P2RX5: variants seen among roughly 807,000 people sequenced by gnomAD.
The protein encoded by P2RX5 is purinergic receptor P2X 5.
P2RX5 carries 46 observed loss-of-function variants against 54.1 expected under a neutral mutation model. The ratio of observed to expected loss-of-function variants is 0.85; its 90% CI spans 0.67 to 1.09. The LOEUF (loss-of-function observed/expected upper bound fraction) is 1.09. Ranked by LOEUF, P2RX5 falls within the 50% of genes least tolerant of loss-of-function variation. The pLI, the probability that P2RX5 is intolerant of heterozygous loss-of-function variation, is 0.00. For missense variants in P2RX5, 566 were observed against 549.8 expected (o/e 1.03, Z -0.29); for synonymous variants, 226 against 226.4 (o/e 1.00, Z 0.02).
At chr17:3,723,433 T>A in the P2RX5 span, 2 of 1,367,860 alleles carry the variant, frequency 1.5e-6, no homozygotes, top group Non-Finnish European at 2.1e-6. Context: ...GCGGAAAGTC[T>A]GAAATCTTTT....
chr17:3,691,669 A>T lies in P2RX5; in HGVS notation c.263T>A (p.Val88Asp), dbSNP rs1232169991. 1 of 1,614,206 alleles carries T rather than the reference A, an allele frequency of 6.2e-7. No individual in the cohort carries two copies. The highest frequency in any genetic ancestry group is 2.2e-5 in the East Asian group (1 of 44,888). Residue 88 changes from valine to aspartate, a missense_variant, in exon 2 of 12, where the codon GTC becomes GAC. Physicochemically the swap from Val to Asp is radical, Grantham distance 152. Transcript: ENST00000225328. ...TSDLGQRIWD[V>D]ADYVIPAQGE... is the part of the protein sequence containing the mutation. The stretch of plus-strand genomic sequence containing the variant: ...CTGGGCTGGAATGACGTAGTCGGCG[A>T]CATCCCAGATCCGCTGCCCAAGATC...
At chr17:3,720,412 G>A in the P2RX5 span, 2 of 1,272,796 alleles carry the variant, frequency 1.6e-6, no homozygotes, top group African/African-American at 1.5e-5. Context: ...ACTAGAAGAT[G>A]GGGAAAGGAA....
intron 10 of P2RX5, among the ~76,000 whole-genome samples, chr17:3,680,587 T>C (rs79774002): frequency 1.7e-5 from 1 of 58,516 alleles, no homozygotes; most frequent in Non-Finnish European, 3.3e-5. Context: ...CGGCTTCCTC[T>C]ACCCTGCTTC....
intron 11 of P2RX5, chr17:3,676,062 G>T: frequency 1.0e-6 from 1 of 985,466 alleles, no homozygotes; most frequent in Non-Finnish European, 1.2e-6. Flanking sequence ...CTCCAAAGAG[G>T]ATGCTTCCAG....
chr17:3,715,900 T>C, the P2RX5 span, among the ~76,000 whole-genome samples: 1 of 152,054 alleles, frequency 6.6e-6, no homozygotes, highest in African/African-American at 2.4e-5. Context: ...TTCATGACTG[T>C]AATCCCAGAA....
chr17:3,713,987 G>A, the P2RX5 span, among the ~76,000 whole-genome samples: 1 of 151,928 alleles, frequency 6.6e-6, no homozygotes, highest in Admixed American at 6.6e-5. Context: ...GAGTGCAATG[G>A]CGTGATCTTG....
At chr17:3,710,474 A>T in the P2RX5 span, among the ~76,000 whole-genome samples, 8 of 151,952 alleles carry the variant, frequency 5.3e-5, no homozygotes, top group East Asian at 9.7e-4. Context: ...GTTTCCCTTG[A>T]TTCCATATAC....
At chr17:3,677,509 C>A (rs1049097974) in intron 11 of P2RX5, 13 of 985,338 alleles carry the variant, frequency 1.3e-5, no homozygotes, top group Non-Finnish European at 1.6e-5. Flanking sequence ...ATCCTTGGGG[C>A]AAGCCCAAAT....
chr17:3,675,613 A>G (rs2050085592), intron 11 of P2RX5: 5 of 940,622 alleles, frequency 5.3e-6, no homozygotes, highest in African/African-American at 3.6e-5. Context: ...GTGCAGTGGT[A>G]TGATCTCAGC....
intron 11 of P2RX5, chr17:3,678,044 T>TCAGCGACACTGCTGGTAGC (rs2050144424): frequency 1.0e-6 from 1 of 985,346 alleles, no homozygotes; most frequent in Non-Finnish European, 1.2e-6. Flanking sequence ...CCCAAAGTTT[T>TCAGCGACACTGCTGGTAGC]CAGCGACACT....
the P2RX5 span, among the ~76,000 whole-genome samples, chr17:3,715,980 C>A: frequency 6.6e-6 from 1 of 152,048 alleles, no homozygotes; most frequent in Non-Finnish European, 1.5e-5. Flanking sequence ...TATGGTGAAA[C>A]CCCGTCTCTA....
chr17:3,700,787 G>A (rs574956385), upstream of P2RX5, among the ~76,000 whole-genome samples: 18 of 152,082 alleles, frequency 1.2e-4, no homozygotes, highest in Non-Finnish European at 2.5e-4. Flanking sequence ...TAGTTCACGC[G>A]AGAGCTAGTT....
At chr17:3,685,207 G>T (rs916949877) in intron 9 of P2RX5, among the ~76,000 whole-genome samples, 62 of 152,188 alleles carry the variant, frequency 4.1e-4, no homozygotes, top group Non-Finnish European at 6.3e-4. Context: ...GACTCACCTG[G>T]GATCCCAGGG....
chr17:3,699,095 C>CACACACACATATA (rs60173844), upstream of P2RX5, among the ~76,000 whole-genome samples: 253 of 100,246 alleles, frequency 2.5e-3, no homozygotes, highest in African/African-American at 9.8e-3. Flanking sequence ...ACACACACAC[C>CACACACACATATA]TATATATATA....
chr17:3,683,487 C>G (rs1358134996), intron 9 of P2RX5, among the ~76,000 whole-genome samples: 2 of 152,162 alleles, frequency 1.3e-5, no homozygotes, highest in Non-Finnish European at 1.5e-5. Flanking sequence ...GATCCCAGCA[C>G]TGGGAGGCCG....
At chr17:3,675,750 G>C in intron 11 of P2RX5, 5 of 679,126 alleles carry the variant, frequency 7.4e-6, no homozygotes, top group Non-Finnish European at 9.1e-6. Flanking sequence ...ATGGGGTTTT[G>C]CCATATTGGC....
chr17:3,699,076 CACACACACACACACACACCT>C (rs2050798316), upstream of P2RX5, among the ~76,000 whole-genome samples: 1 of 108,926 alleles, frequency 9.2e-6, no homozygotes, highest in Non-Finnish European at 2.1e-5. Flanking sequence ...CACACACACA[CACACACACACACACACACCT>C]ATATATATAA....
At chr17:3,718,070 A>G in the P2RX5 span, 2 of 152,234 alleles carry the variant, frequency 1.3e-5, no homozygotes, top group African/African-American at 2.4e-5. Flanking sequence ...GGGAGAAGCA[A>G]GGCACCGGGT....
At chr17:3,714,710 ATG>A in the P2RX5 span, 1 of 562,222 alleles carries the variant, frequency 1.8e-6, no homozygotes, top group African/African-American at 1.9e-5. Flanking sequence ...TTTTGGGACA[ATG>A]TATGGTTAAA....
Sources: allele counts gnomAD v4.1 joint callset (sites outside exome capture counted in the v4.1 genomes callset), GRCh38; gene constraint gnomAD v4.1.1; transcripts MANE v1.5; gene names NCBI Gene and HGNC (gene_info 2026-07-23, HGNC 2026-07-21).